RPA3: variants seen among roughly 807,000 people sequenced by gnomAD.
The protein encoded by RPA3 is replication protein A3.
Under a neutral mutation model 13.7 loss-of-function variants are expected in RPA3, and 24 were observed. The observed-to-expected ratio is 1.75, with a 90% CI of 1.27 to 2.46. RPA3 has a LOEUF of 2.46. Ranked by LOEUF, RPA3 falls within the 30% of genes most tolerant of loss-of-function variation. RPA3 has a pLI of 0.00. For synonymous variants in RPA3, 59 were observed against 51.2 expected, an observed-to-expected ratio of 1.15 and a Z score of -0.65; for missense variants, 183 against 151.0, an observed-to-expected ratio of 1.21 and a Z score of -1.11.
Position 7,636,873 on chromosome 7 carries a change from G to C in RPA3, c.*127C>G. On this transcript the variant is annotated 3_prime_UTR_variant, in exon 8 of 8. Transcript: ENST00000223129. The stretch of plus-strand genomic sequence containing the variant: ...ATATCAGTTCCATCAAAAACTCTAG[G>C]TTGGAATATCTTAAAAACAGCAAAT... 1.4e-6 allele frequency: 1 copy of C among 731,844 alleles called. No individual in the cohort carries two copies. Among genetic ancestry groups the C allele is most frequent in the Non-Finnish European group, 2.4e-6 (1 of 424,808 alleles). The allele number at this position is 731,844 out of a possible 1,614,324, so 45.3% of individuals were successfully genotyped here.
At chr7:7,673,874 T>C (rs906789112) in intron 4 of RPA3, among the ~76,000 whole-genome samples, 4 of 152,186 alleles carry the variant, frequency 2.6e-5, no homozygotes, top group African/African-American at 4.8e-5. Flanking sequence ...AAAATCTAAA[T>C]ATGTTAAATA....
intron 4 of RPA3, among the ~76,000 whole-genome samples, chr7:7,664,486 A>G (rs1168697304): frequency 6.6e-6 from 1 of 152,120 alleles, no homozygotes; most frequent in African/African-American, 2.4e-5. Context: ...ACTCTTCAGT[A>G]ATTTATTTCT....
intron 2 of RPA3, among the ~76,000 whole-genome samples, chr7:7,691,409 A>G (rs1006379292): frequency 1.4e-4 from 21 of 152,356 alleles, no homozygotes; most frequent in African/African-American, 4.8e-4. Flanking sequence ...GAATTACTAA[A>G]TACATAATTT....
chr7:7,640,186 G>C (rs1310334473), intron 5 of RPA3, 134 bp downstream of exon 5: 3 of 941,474 alleles, frequency 3.2e-6, no homozygotes, highest in East Asian at 2.5e-5. Context: ...TTTCCAAAAA[G>C]TTCCTTGTGC....
rs115121737 is a variant in RPA3 at position 7,713,385 on chromosome 7, G to A, written c.-1028+1790C>T. ...AAAACAAACAAACAAACAAATCTAA[G>A]TTTATAGACAGAGTTTTTTTTTTTT... is the stretch of plus-strand genomic sequence containing the variant. On this transcript the variant is annotated intron_variant, in intron 2 of 7. Transcript: ENST00000223129. 1.9e-3 allele frequency among the ~76,000 whole-genome samples: 283 copies of A among 149,826 alleles called. 3 individuals are homozygous for A. The highest frequency in any genetic ancestry group is 6.8e-3 in the African/African-American group (275 of 40,514).
chr7:7,642,713 A>C (rs551276331), intron 4 of RPA3, among the ~76,000 whole-genome samples: 37 of 152,328 alleles, frequency 2.4e-4, no homozygotes, highest in African/African-American at 6.7e-4. Flanking sequence ...AAATGAATCC[A>C]TGGGGCCTGT....
chr7:7,646,746 C>T (rs891071848), intron 4 of RPA3, among the ~76,000 whole-genome samples: 4 of 152,002 alleles, frequency 2.6e-5, no homozygotes, highest in Non-Finnish European at 4.4e-5. Flanking sequence ...CCAATCTCCT[C>T]TCTGACCGTC....
At chr7:7,661,522 G>C (rs1563095369) in intron 4 of RPA3, among the ~76,000 whole-genome samples, 1 of 152,154 alleles carries the variant, frequency 6.6e-6, no homozygotes, top group Non-Finnish European at 1.5e-5. Context: ...TGATGTTGAT[G>C]CTCCTCCTTT....
chr7:7,680,651 C>T (rs1032708360), intron 4 of RPA3, among the ~76,000 whole-genome samples: 3 of 151,836 alleles, frequency 2.0e-5, no homozygotes, highest in Admixed American at 1.3e-4. Context: ...TTTAACAATA[C>T]TGATTCTTCC....
At chr7:7,643,580 C>T (rs1198952695) in intron 4 of RPA3, among the ~76,000 whole-genome samples, 5 of 152,004 alleles carry the variant, frequency 3.3e-5, no homozygotes, top group Non-Finnish European at 5.9e-5. Flanking sequence ...GGCGCGATGG[C>T]GGGGGCCTGT....
chr7:7,656,392 G>A (rs559257147), intron 4 of RPA3, among the ~76,000 whole-genome samples: 2 of 151,890 alleles, frequency 1.3e-5, no homozygotes, highest in East Asian at 3.9e-4. Flanking sequence ...AGGTATACAC[G>A]TGCCATGGTG....
At chr7:7,673,362 A>AGCT (rs1381582853) in intron 4 of RPA3, 1 of 1,265,764 alleles carries the variant, frequency 7.9e-7, no homozygotes, top group African/African-American at 1.5e-5. Flanking sequence ...CAGCAGCAGC[A>AGCT]GCAGCAGCAA....
At position 7,637,956 on chromosome 7, in the gene RPA3, G is replaced by A. The variant is rs1196585531; in HGVS notation, c.191C>T (p.Ser64Phe). 6.2e-7 allele frequency: 1 copy of A among 1,613,156 alleles called. No individual in the cohort carries two copies. Among genetic ancestry groups the A allele is most frequent in the Non-Finnish European group, 8.5e-7 (1 of 1,179,486 alleles). Reference protein sequence around the residue: ...ELMEPLDEEISGIVEVVGRVT... With the variant: ...ELMEPLDEEIFGIVEVVGRVT... ...TCTTCCAACCACTTCCACAATTCCA[G>A]AGATTTCTTCATCAAGCTAAGACAC... The change falls in exon 7 of 8, where the codon TCT (serine) becomes TTT (phenylalanine). Residue 64 changes from serine to phenylalanine, a missense_variant. By Grantham distance (155) the Ser-to-Phe change is radical. Transcript: ENST00000223129.
chr7:7,680,172 C>T (rs1287000920), intron 4 of RPA3, among the ~76,000 whole-genome samples: 1 of 152,032 alleles, frequency 6.6e-6, no homozygotes, highest in Non-Finnish European at 1.5e-5. Context: ...TTCGTAGTTT[C>T]AGGTCTTAGA....
At chr7:7,714,227 A>C (rs903025232) in intron 2 of RPA3, among the ~76,000 whole-genome samples, 1 of 152,234 alleles carries the variant, frequency 6.6e-6, no homozygotes, top group Admixed American at 6.5e-5. Context: ...ACCTCCACTT[A>C]TATGACTTTG....
In RPA3 at chr7:7,698,776, T is replaced by G. The variant is rs1052466374; in HGVS notation, c.-1027-11448A>C. Among the ~76,000 whole-genome samples, 6 of 152,290 alleles carry G rather than the reference T, an allele frequency of 3.9e-5. No individual in the cohort carries two copies. In the Middle Eastern group the frequency reaches 0.01, roughly 259 times the overall value. On this transcript the variant is annotated intron_variant, in intron 2 of 7. Transcript: ENST00000223129. Reference sequence around the variant, plus strand: ...TGGTAAGGTAAATAGGAATCTTGTCTTAAGATGAATTCATCTCAAAGTGAT... The same window carrying G: ...TGGTAAGGTAAATAGGAATCTTGTCGTAAGATGAATTCATCTCAAAGTGAT...
At chr7:7,682,435 A>G (rs983128145) in intron 4 of RPA3, among the ~76,000 whole-genome samples, 1 of 152,090 alleles carries the variant, frequency 6.6e-6, no homozygotes, top group Non-Finnish European at 1.5e-5. Context: ...AAACTATCAT[A>G]TTTTTATATG....
At chr7:7,642,560 C>T (rs760068522) in intron 4 of RPA3, among the ~76,000 whole-genome samples, 42 of 151,982 alleles carry the variant, frequency 2.8e-4, no homozygotes, top group Non-Finnish European at 4.9e-4. Context: ...TAAGCAAAGG[C>T]TTTCTTTTAA....
intron 4 of RPA3, among the ~76,000 whole-genome samples, chr7:7,654,147 A>G (rs1785288782): frequency 1.3e-5 from 2 of 152,224 alleles, no homozygotes; most frequent in Non-Finnish European, 2.9e-5. Context: ...TCAATTAAAA[A>G]GAAAACAAAC....
Sources: allele counts gnomAD v4.1 joint callset (sites outside exome capture counted in the v4.1 genomes callset), GRCh38; gene constraint gnomAD v4.1.1; transcripts MANE v1.5; gene names NCBI Gene and HGNC (gene_info 2026-07-23, HGNC 2026-07-21).